Variants in SHB observed in about 807,000 individuals in gnomAD.
SHB encodes the protein SH2 domain-containing adapter protein B.
In SHB, 20 loss-of-function variants were observed where a neutral mutation model predicts 52.3. That is an observed-to-expected ratio of 0.38 (90% CI 0.27 to 0.56). SHB has a LOEUF of 0.56. Among genes scored for constraint, SHB ranks in the 20% least tolerant of loss-of-function variants. The pLI is 0.71. For missense variants in SHB, 825 were observed against 723.3 expected, an observed-to-expected ratio of 1.14 and a Z score of -1.61; for synonymous variants, 397 against 316.5, an observed-to-expected ratio of 1.25 and a Z score of -2.70.
intron 1 of SHB, among the ~76,000 whole-genome samples, chr9:38,063,654 G>T (rs926911182): frequency 6.6e-6 from 1 of 152,232 alleles, no homozygotes; most frequent in Non-Finnish European, 1.5e-5. Context: ...CTCTCTGGTT[G>T]TATCTGTCTC....
intron 1 of SHB, among the ~76,000 whole-genome samples, chr9:38,033,003 C>T (rs1234452411): frequency 1.3e-5 from 2 of 152,194 alleles, no homozygotes; most frequent in Non-Finnish European, 2.9e-5. Flanking sequence ...TCAAACATGA[C>T]TGTAAAGAAA....
At chr9:37,970,967 G>A (rs73455551) in intron 3 of SHB, among the ~76,000 whole-genome samples, 7,559 of 152,070 alleles carry the variant, frequency 0.05, 440 homozygotes, top group African/African-American at 0.14. Context: ...GCAAATATAA[G>A]GGGTGAAAGG....
chr9:37,974,780 G>A lies in SHB; in HGVS notation c.896C>T (p.Thr299Ile), dbSNP rs375517414. 1.2e-5 allele frequency: 19 copies of A among 1,614,102 alleles called. 1 individual carries two copies. Among genetic ancestry groups the A allele is most frequent in the Non-Finnish European group, 1.4e-5 (17 of 1,179,970 alleles). Residue 299 changes from threonine to isoleucine, a missense_variant, in exon 3 of 6, where the codon ACC becomes ATC. Coordinates refer to ENST00000377707, the MANE Select transcript of SHB (RefSeq NM_003028.3). ...SQHKGIQLYD[T>I]PYEPEGQSVD... ...ACTTTGGCCTTCAGGTTCGTAAGGGGTGTCATATAACTGGATACCTTTATG... is the reference window on the plus strand; with the variant it reads ...ACTTTGGCCTTCAGGTTCGTAAGGGATGTCATATAACTGGATACCTTTATG...
At chr9:38,003,549 C>G (rs2381771) in intron 2 of SHB, among the ~76,000 whole-genome samples, 29,878 of 152,202 alleles carry the variant, frequency 0.2, 3,525 homozygotes, top group Middle Eastern at 0.36. Context: ...CCAAGGTGGG[C>G]TCCACCTCCC....
In SHB at chr9:38,016,038, G is replaced by A; in HGVS notation, c.811C>T (p.Pro271Ser). The change falls in exon 2 of 6, where the codon CCC becomes TCC. Residue 271 changes from proline (P) to serine (S), a missense_variant. Transcript: ENST00000377707. ...GKGESAGYME[P>S]YEAQRIMTEF... Reference sequence around the variant, plus strand: ...GTCATGATCCTCTGTGCCTCATAGGGCTCCATGTAGCCAGCACTCTCCCCC... The same window carrying A: ...GTCATGATCCTCTGTGCCTCATAGGACTCCATGTAGCCAGCACTCTCCCCC... 6.2e-7 allele frequency: 1 copy of A among 1,614,110 alleles called. No individual in the cohort carries two copies.
chr9:38,011,470 A>G (rs1322046349), intron 2 of SHB, among the ~76,000 whole-genome samples: 1 of 152,218 alleles, frequency 6.6e-6, no homozygotes, highest in African/African-American at 2.4e-5. Flanking sequence ...TGCCAGCCCT[A>G]CCCAGATCCC....
At chr9:38,021,316 G>T (rs1195282529) in intron 1 of SHB, among the ~76,000 whole-genome samples, 3 of 151,068 alleles carry the variant, frequency 2.0e-5, no homozygotes, top group African/African-American at 7.3e-5. Flanking sequence ...CTCCAGCCTG[G>T]GCAGTAAGAG....
chr9:37,980,546 T>C (rs540137034), intron 2 of SHB, among the ~76,000 whole-genome samples: 1 of 152,364 alleles, frequency 6.6e-6, no homozygotes, highest in Admixed American at 6.5e-5. Flanking sequence ...CTGTGAGGAC[T>C]GGACTCTTCT....
intron 1 of SHB, among the ~76,000 whole-genome samples, chr9:38,039,854 G>A (rs979517743): frequency 6.6e-6 from 1 of 152,250 alleles, no homozygotes; most frequent in Admixed American, 6.5e-5. Flanking sequence ...AGCTCGAGGG[G>A]CGAGGGGAGA....
chr9:38,060,405 C>G (rs1453482042), intron 1 of SHB, among the ~76,000 whole-genome samples: 1 of 152,150 alleles, frequency 6.6e-6, no homozygotes, highest in Non-Finnish European at 1.5e-5. Context: ...CAACTCCCGA[C>G]CTTAGGTGAT....
At chr9:38,062,053 G>C (rs1473943597) in intron 1 of SHB, among the ~76,000 whole-genome samples, 5 of 152,226 alleles carry the variant, frequency 3.3e-5, no homozygotes, top group Non-Finnish European at 5.9e-5. Flanking sequence ...CAAAGCAAAG[G>C]CTGAAAGCGG....
intron 2 of SHB, among the ~76,000 whole-genome samples, chr9:37,977,542 A>T (rs969716698): frequency 6.6e-6 from 1 of 152,192 alleles, no homozygotes; most frequent in Non-Finnish European, 1.5e-5. Flanking sequence ...AGTTTTGAGG[A>T]TGATGCTTCC....
intron 5 of SHB, among the ~76,000 whole-genome samples, chr9:37,945,121 A>G (rs1008087338): frequency 1.3e-4 from 20 of 152,162 alleles, no homozygotes; most frequent in Non-Finnish European, 1.9e-4. Flanking sequence ...TCATCCTAGA[A>G]CACCCTCAGG....
chr9:37,966,883 A>T (rs1361925695), intron 3 of SHB, among the ~76,000 whole-genome samples: 1 of 152,244 alleles, frequency 6.6e-6, no homozygotes, highest in Non-Finnish European at 1.5e-5. Flanking sequence ...TGGTGGTGTT[A>T]AACCAGCTTC....
intron 2 of SHB, among the ~76,000 whole-genome samples, chr9:38,006,139 C>T (rs1821072803): frequency 6.6e-6 from 1 of 152,154 alleles, no homozygotes; most frequent in African/African-American, 2.4e-5. Flanking sequence ...GTGGTGTCAT[C>T]CCACCCTCTC....
At chr9:37,959,255 T>C (rs925400598) in intron 3 of SHB, among the ~76,000 whole-genome samples, 2 of 152,068 alleles carry the variant, frequency 1.3e-5, no homozygotes, top group Non-Finnish European at 2.9e-5. Context: ...GATGCCCCCA[T>C]TGGGATGGGC....
chr9:37,961,598 G>A (rs968693847), intron 3 of SHB, among the ~76,000 whole-genome samples: 1 of 152,184 alleles, frequency 6.6e-6, no homozygotes, highest in African/African-American at 2.4e-5. Context: ...AATCACAAAG[G>A]ACAGCCAGTC....
intron 2 of SHB, among the ~76,000 whole-genome samples, chr9:37,979,640 AC>A (rs1373008859): frequency 6.6e-6 from 1 of 150,730 alleles, no homozygotes; most frequent in Non-Finnish European, 1.5e-5. Context: ...AAACAAAAAA[AC>A]AACAACAACA....
At chr9:38,005,294 AAGAG>A (rs1367672706) in intron 2 of SHB, among the ~76,000 whole-genome samples, 1 of 152,202 alleles carries the variant, frequency 6.6e-6, no homozygotes, top group African/African-American at 2.4e-5. Flanking sequence ...AGGGAGAGTG[AAGAG>A]GTGGCATTTT....
Sources: gnomAD v4.1 joint callset for allele counts (sites outside exome capture counted in the v4.1 genomes callset) on GRCh38, gnomAD v4.1.1 for gene constraint, MANE v1.5 for transcripts, NCBI Gene and HGNC (gene_info 2026-07-23, HGNC 2026-07-21) for gene names.